Variants in TUNAR observed in about 807,000 individuals in gnomAD.
TUNAR encodes the protein transmembrane neural differentiation associated intracellular calcium regulator, also known as protein TUNAR.
chr14:95,897,658 G>A (rs1012090926), intron 2 of TUNAR, among the ~76,000 whole-genome samples: 1 of 152,198 alleles, frequency 6.6e-6, no homozygotes, highest in South Asian at 2.1e-4. Context: ...CATGCACTGG[G>A]ATGACCTTTT....
intron 2 of TUNAR, among the ~76,000 whole-genome samples, chr14:95,920,803 A>G (rs1425720512): frequency 6.6e-6 from 1 of 152,176 alleles, no homozygotes; most frequent in Non-Finnish European, 1.5e-5. Context: ...CTTCCTGGAT[A>G]TGTGCCCTAA....
intron 2 of TUNAR, chr14:95,896,081 G>A (rs1889259831): frequency 6.6e-6 from 1 of 152,072 alleles, no homozygotes; most frequent in South Asian, 2.1e-4. Context: ...GCTCAGCAAG[G>A]TTAAAAAAAC....
chr14:95,905,834 AC>A (rs1166046622), intron 2 of TUNAR, among the ~76,000 whole-genome samples: 1 of 152,072 alleles, frequency 6.6e-6, no homozygotes, highest in East Asian at 1.9e-4. Context: ...ATTTATTGGA[AC>A]TCTACTGTAA....
At chr14:95,890,382 C>T (rs1407636312) in intron 2 of TUNAR, among the ~76,000 whole-genome samples, 1 of 152,206 alleles carries the variant, frequency 6.6e-6, no homozygotes, top group Non-Finnish European at 1.5e-5. Context: ...TATGGCAGCC[C>T]CAACCCTACA....
At chr14:95,886,168 A>G (rs1889072558) in intron 2 of TUNAR, among the ~76,000 whole-genome samples, 1 of 152,224 alleles carries the variant, frequency 6.6e-6, no homozygotes, top group Admixed American at 6.5e-5. Context: ...TCCCAGACCT[A>G]CATCCACAGC....
intron 2 of TUNAR, among the ~76,000 whole-genome samples, chr14:95,911,406 GT>G (rs758016669): frequency 6.6e-6 from 1 of 152,168 alleles, no homozygotes; most frequent in Non-Finnish European, 1.5e-5. Context: ...ATCAATTTGT[GT>G]TTTCCGTTCA....
intron 2 of TUNAR, among the ~76,000 whole-genome samples, chr14:95,898,219 G>A (rs139864036): frequency 6.6e-6 from 1 of 152,324 alleles, no homozygotes; most frequent in African/African-American, 2.4e-5. Flanking sequence ...GAAGACTTTA[G>A]AGTTTTCCTT....
intron 2 of TUNAR, among the ~76,000 whole-genome samples, chr14:95,911,774 G>A (rs66522440): frequency 0.16 from 23,834 of 152,144 alleles, 2,332 homozygotes; most frequent in African/African-American, 0.26. Context: ...TTCCTTTTCC[G>A]GAATGTCTGG....
chr14:95,900,397 C>A (rs1271634658), intron 2 of TUNAR, among the ~76,000 whole-genome samples: 1 of 152,150 alleles, frequency 6.6e-6, no homozygotes, highest in Non-Finnish European at 1.5e-5. Flanking sequence ...CAGGGCTGGG[C>A]TGGACAGGAA....
At chr14:95,887,135 G>A (rs1191250630) in intron 2 of TUNAR, among the ~76,000 whole-genome samples, 1 of 152,160 alleles carries the variant, frequency 6.6e-6, no homozygotes, top group Non-Finnish European at 1.5e-5. Flanking sequence ...CAGGTCCTGG[G>A]AAAGCCTTTC....
At chr14:95,913,142 C>CT (rs58500125) in intron 2 of TUNAR, among the ~76,000 whole-genome samples, 91 of 136,420 alleles carry the variant, frequency 6.7e-4, no homozygotes, top group Non-Finnish European at 7.6e-4. Context: ...ATTTTCTTTC[C>CT]TTTTTTTTTT....
intron 1 of TUNAR, 125 bp from the exon 1 acceptor site, chr14:95,876,707 T>C (rs1888884703): frequency 2.0e-5 from 3 of 152,198 alleles, no homozygotes; most frequent in Admixed American, 6.5e-5. Context: ...CTAAAGTTTC[T>C]GGGGCTCGGC....
intron 2 of TUNAR, among the ~76,000 whole-genome samples, chr14:95,913,536 T>A (rs1367642359): frequency 6.6e-6 from 1 of 152,232 alleles, no homozygotes; most frequent in Non-Finnish European, 1.5e-5. Flanking sequence ...TTACTATTGA[T>A]CACTGAGTGG....
intron 2 of TUNAR, among the ~76,000 whole-genome samples, chr14:95,898,880 C>T (rs921360853): frequency 6.6e-6 from 1 of 152,126 alleles, no homozygotes; most frequent in Non-Finnish European, 1.5e-5. Context: ...TGTGCCTTTT[C>T]GTTTCGAGTT....
chr14:95,916,707 C>G (rs1889612280), intron 2 of TUNAR, among the ~76,000 whole-genome samples: 1 of 152,188 alleles, frequency 6.6e-6, no homozygotes, highest in Non-Finnish European at 1.5e-5. Flanking sequence ...ATCCTGTTTT[C>G]CAAAGTGACA....
intron 2 of TUNAR, among the ~76,000 whole-genome samples, chr14:95,894,617 C>T (rs1406782149): frequency 6.6e-5 from 10 of 152,118 alleles, no homozygotes; most frequent in African/African-American, 2.2e-4. Context: ...GATTTGGAAC[C>T]AGGCCCATGA....
Position 95,892,812 on chromosome 14 carries a change from G to A in TUNAR, c.12+15635G>A, listed in dbSNP as rs112843592. 3.0e-3 allele frequency among the ~76,000 whole-genome samples: 464 copies of A among 152,294 alleles called. 2 individuals are homozygous for A. Among genetic ancestry groups the A allele is most frequent in the Non-Finnish European group, 5.8e-3 (392 of 68,020 alleles). On this transcript the variant is annotated intron_variant, in intron 2 of 2. Transcript: ENST00000678517. ...GATGATGCATTTTAAAACCATGCAC[G>A]ACTTGAAATGCCCGCAGCTCTCATT...
intron 2 of TUNAR, among the ~76,000 whole-genome samples, chr14:95,913,958 C>T (rs1289726832): frequency 6.6e-6 from 1 of 152,258 alleles, no homozygotes; most frequent in Non-Finnish European, 1.5e-5. Flanking sequence ...ATCTCGATCA[C>T]TTGACCTTGT....
At chr14:95,879,519 A>T (rs570854142) in intron 2 of TUNAR, among the ~76,000 whole-genome samples, 1 of 152,364 alleles carries the variant, frequency 6.6e-6, no homozygotes, top group Admixed American at 6.5e-5. Flanking sequence ...TGAAATAACG[A>T]TTTTTGTGTC....
Sources: allele counts gnomAD v4.1 joint callset (sites outside exome capture counted in the v4.1 genomes callset), GRCh38; gene constraint gnomAD v4.1.1; transcripts MANE v1.5; gene names NCBI Gene and HGNC (gene_info 2026-07-23, HGNC 2026-07-21).